CDH18: variants seen among roughly 807,000 people sequenced by gnomAD.
CDH18 encodes the protein cadherin 18.
In CDH18, 31 loss-of-function variants were observed where a neutral mutation model predicts 67.9. The ratio of observed to expected loss-of-function variants is 0.46; its 90% confidence interval spans 0.34 to 0.62. CDH18 has a LOEUF of 0.62. CDH18 is among the 20% of genes least tolerant of loss of function. CDH18 has a pLI of 0.01. For missense variants in CDH18, 890 were observed against 975.5 expected (o/e 0.91, Z 1.17); for synonymous variants, 362 against 347.2 (o/e 1.04, Z -0.48).
intron 10 of CDH18, among the ~76,000 whole-genome samples, chr5:19,510,125 G>A (rs1423685119): frequency 6.6e-6 from 1 of 152,184 alleles, no homozygotes; most frequent in East Asian, 1.9e-4. Flanking sequence ...CACACAGCCT[G>A]GCAATACAAA....
At chr5:20,473,237 A>G in intron 1 of CDH18, among the ~76,000 whole-genome samples, 1 of 152,302 alleles carries the variant, frequency 6.6e-6, no homozygotes, top group Middle Eastern at 3.4e-3. Context: ...AAAACAAAAA[A>G]TTAAAAAATG....
intron 1 of CDH18, among the ~76,000 whole-genome samples, chr5:20,564,779 C>T (rs1758408504): frequency 6.6e-6 from 1 of 152,128 alleles, no homozygotes; most frequent in South Asian, 2.1e-4. Flanking sequence ...AATATTCTCA[C>T]TGTAAGGGTC....
intron 3 of CDH18, among the ~76,000 whole-genome samples, chr5:19,824,173 A>G (rs776519593): frequency 7.9e-5 from 12 of 152,196 alleles, no homozygotes; most frequent in Non-Finnish European, 1.6e-4. Flanking sequence ...TACGTGGTCC[A>G]ATAATTGGAT....
chr5:20,366,198 C>T (rs182533085), intron 1 of CDH18, among the ~76,000 whole-genome samples: 1 of 152,196 alleles, frequency 6.6e-6, no homozygotes, highest in Admixed American at 6.5e-5. Flanking sequence ...CTTCCAGACC[C>T]ACACCTCCTT....
chr5:19,577,315 A>C (rs1049207338), intron 7 of CDH18, among the ~76,000 whole-genome samples: 4 of 152,176 alleles, frequency 2.6e-5, no homozygotes, highest in African/African-American at 4.8e-5. Context: ...GTACATCATA[A>C]ATATATATAA....
rs1260235126 is a variant in CDH18, at chr5:19,517,369, G to A, written c.1512+3288C>T. ...GAGTTTTGAAACTATAGTACTATAA[G>A]TAGAAAGTCTGTAGTTTGTCTTTTT... On this transcript the variant is annotated intron_variant, in intron 10 of 12. Transcript: ENST00000382275. Among the ~76,000 whole-genome samples the A allele has an allele frequency of 2.8e-5, 4 of 144,422 alleles. No homozygotes were observed. The South Asian group carries it at 6.8e-4, about 25-fold the overall frequency. The allele number at this position is 144,422 out of a possible 152,430, so 94.7% of individuals were successfully genotyped here.
At chr5:20,572,562 C>CT (rs1241336119) in intron 1 of CDH18, among the ~76,000 whole-genome samples, 14 of 152,058 alleles carry the variant, frequency 9.2e-5, no homozygotes, top group African/African-American at 2.9e-4. Flanking sequence ...ATAAGGGCTT[C>CT]TTATTGATCT....
chr5:19,623,496 G>T (rs547945992), intron 5 of CDH18, among the ~76,000 whole-genome samples: 2 of 152,068 alleles, frequency 1.3e-5, no homozygotes, highest in African/African-American at 4.8e-5. Context: ...TAAAAAATTT[G>T]TGTGCTCAAA....
chr5:20,423,803 C>A lies in CDH18; in HGVS notation c.-580+151659G>T, dbSNP rs991102814. On this transcript the variant is annotated intron_variant, in intron 1 of 14. Transcript: ENST00000507958. Reference sequence around the variant, plus strand: ...TACTAAAAATACAAAAAAAATTAGCCGGGCGTGGTGATGGGCGCCTGTAGT... The same window carrying A: ...TACTAAAAATACAAAAAAAATTAGCAGGGCGTGGTGATGGGCGCCTGTAGT... Among the ~76,000 whole-genome samples, 5 of 149,838 alleles carry A rather than the reference C, an allele frequency of 3.3e-5. 1 individual carries two copies. The highest frequency in any genetic ancestry group is 6.6e-5 in the Admixed American group (1 of 15,166).
At chr5:19,689,499 C>T (rs561178705) in intron 5 of CDH18, among the ~76,000 whole-genome samples, 12 of 151,994 alleles carry the variant, frequency 7.9e-5, no homozygotes, top group African/African-American at 2.9e-4. Context: ...GAATTTATAA[C>T]TATTAGATCA....
At chr5:20,055,933 C>T (rs1741858149) in intron 2 of CDH18, among the ~76,000 whole-genome samples, 1 of 148,294 alleles carries the variant, frequency 6.7e-6, no homozygotes, top group Admixed American at 6.8e-5. Context: ...TTTTTGCCAG[C>T]ATTATATAGG....
At chr5:19,759,151 A>G (rs1466950647) in intron 3 of CDH18, among the ~76,000 whole-genome samples, 3 of 152,230 alleles carry the variant, frequency 2.0e-5, no homozygotes, top group Admixed American at 2.0e-4. Flanking sequence ...ATGAAACCAC[A>G]TCTGGTACAG....
rs1253740312 is a variant in CDH18 at position 20,092,884 on chromosome 5, T to C, written c.-517-100870A>G. 3.5e-4 allele frequency among the ~76,000 whole-genome samples: 54 copies of C among 152,186 alleles called. 1 individual carries two copies. The highest frequency in any genetic ancestry group is 3.3e-3 in the Admixed American group (51 of 15,262). On this transcript the variant is annotated intron_variant, in intron 2 of 14. Coordinates refer to the CDH18 transcript ENST00000507958. The stretch of plus-strand genomic sequence containing the variant: ...GGTTCATAGATGTTAAAGTATAATG[T>C]AAATCTGACTGAGATCACATTTGGT...
intron 4 of CDH18, among the ~76,000 whole-genome samples, chr5:19,737,550 C>T (rs1768508654): frequency 6.6e-6 from 1 of 152,048 alleles, no homozygotes; most frequent in East Asian, 1.9e-4. Context: ...CTCTCTGTGC[C>T]TGATCACTGA....
At chr5:20,434,195 C>T (rs1415457488) in intron 1 of CDH18, among the ~76,000 whole-genome samples, 5 of 151,968 alleles carry the variant, frequency 3.3e-5, no homozygotes, top group Admixed American at 3.3e-4. Context: ...AAGTTAAAAC[C>T]ACTGTCTGGA....
intron 1 of CDH18, among the ~76,000 whole-genome samples, chr5:20,487,439 C>T (rs950242987): frequency 2.0e-5 from 3 of 149,232 alleles, no homozygotes; most frequent in East Asian, 2.0e-4. Flanking sequence ...AAAATATAAT[C>T]GGGCTACATC....
intron 1 of CDH18, among the ~76,000 whole-genome samples, chr5:20,372,056 G>T (rs947985777): frequency 6.6e-6 from 1 of 152,150 alleles, no homozygotes; most frequent in Non-Finnish European, 1.5e-5. Context: ...GAAGAAACAG[G>T]CACCGAAAAG....
intron 1 of CDH18, among the ~76,000 whole-genome samples, chr5:19,984,711 A>C (rs1252410940): frequency 6.6e-6 from 1 of 152,126 alleles, no homozygotes; most frequent in Non-Finnish European, 1.5e-5. Context: ...TATTATCATC[A>C]CCTTTTATGG....
chr5:20,303,708 A>T (rs1284268353), intron 1 of CDH18, among the ~76,000 whole-genome samples: 2 of 151,984 alleles, frequency 1.3e-5, no homozygotes, highest in East Asian at 1.9e-4. Flanking sequence ...CCCAAAACCC[A>T]CGGGTTGTAA....
Sources: allele counts gnomAD v4.1 joint callset (sites outside exome capture counted in the v4.1 genomes callset), GRCh38; gene constraint gnomAD v4.1.1; transcripts MANE v1.5; gene names NCBI Gene and HGNC (gene_info 2026-07-23, HGNC 2026-07-21).